Variants in LMNTD1 observed in about 807,000 individuals in gnomAD.
LMNTD1 encodes the protein lamin tail domain-containing protein 1.
A neutral mutation model predicts 50.9 loss-of-function variants in LMNTD1; 35 were observed. The observed-to-expected ratio is 0.69, with a 90% CI of 0.53 to 0.91. The LOEUF is 0.91. Among genes scored for constraint, LMNTD1 ranks in the 40% least tolerant of loss-of-function variants. The pLI is 0.00. For missense variants in LMNTD1, 470 were observed against 475.5 expected (o/e 0.99, Z 0.11); for synonymous variants, 153 against 161.9 (o/e 0.94, Z 0.42).
At chr12:25,619,839 A>G (rs961698782) in intron 1 of LMNTD1, among the ~76,000 whole-genome samples, 8 of 152,202 alleles carry the variant, frequency 5.3e-5, no homozygotes, top group East Asian at 1.9e-4. Flanking sequence ...ATTCTCACCA[A>G]GACTGATCAC....
chr12:25,537,492 A>G (rs903803320), intron 4 of LMNTD1, among the ~76,000 whole-genome samples: 1 of 152,056 alleles, frequency 6.6e-6, no homozygotes, highest in African/African-American at 2.4e-5. Flanking sequence ...GGGTACTCCA[A>G]CAGACCTGCA....
chr12:25,483,638 G>T lies in LMNTD1; in HGVS notation c.*23-7178C>A, dbSNP rs142766933. Among the ~76,000 whole-genome samples the T allele has an allele frequency of 3.8e-4, 57 of 151,572 alleles. 1 individual carries two copies. The East Asian group carries it at 0.011, about 29-fold the overall frequency. On this transcript the variant is annotated intron_variant, in intron 9 of 9. Transcript: ENST00000458174. Reference sequence around the variant, plus strand: ...AATACAAAAATTAGCCGGTCATGGTGGCGCTTGCCTGTAGTCCCAGCTACT... The same window carrying T: ...AATACAAAAATTAGCCGGTCATGGTTGCGCTTGCCTGTAGTCCCAGCTACT...
intron 1 of LMNTD1, among the ~76,000 whole-genome samples, chr12:25,575,745 T>A (rs918422739): frequency 6.6e-6 from 1 of 152,170 alleles, no homozygotes; most frequent in African/African-American, 2.4e-5. Context: ...ACGTGCAGGT[T>A]TGTTACATAG....
At chr12:25,529,192 T>C (rs1008308007) in intron 4 of LMNTD1, among the ~76,000 whole-genome samples, 1 of 152,272 alleles carries the variant, frequency 6.6e-6, no homozygotes, top group South Asian at 2.1e-4. Flanking sequence ...TTTTCTTATT[T>C]CACCCAGCCC....
chr12:25,625,640 C>G (rs1443752915), intron 1 of LMNTD1, among the ~76,000 whole-genome samples: 1 of 152,214 alleles, frequency 6.6e-6, no homozygotes, highest in Non-Finnish European at 1.5e-5. Flanking sequence ...TAGTTCTTTT[C>G]AGACTCCCCG....
chr12:25,571,527 C>T (rs1468620411), intron 1 of LMNTD1, among the ~76,000 whole-genome samples: 2 of 151,922 alleles, frequency 1.3e-5, no homozygotes, highest in Admixed American at 1.3e-4. Context: ...CCACACCCGG[C>T]TAATGTTTTA....
chr12:25,645,778 T>C (rs1947057181), intron 1 of LMNTD1, among the ~76,000 whole-genome samples: 1 of 152,218 alleles, frequency 6.6e-6, no homozygotes, highest in African/African-American at 2.4e-5. Context: ...AACTGGGATA[T>C]GGCTACCTCC....
chr12:25,568,876 C>T (rs915494024), intron 1 of LMNTD1, among the ~76,000 whole-genome samples: 1 of 152,214 alleles, frequency 6.6e-6, no homozygotes, highest in Non-Finnish European at 1.5e-5. Context: ...GCCTCCTAGG[C>T]TTCTGCCTAA....
intron 8 of LMNTD1, among the ~76,000 whole-genome samples, chr12:25,514,965 T>C (rs1334076781): frequency 6.6e-6 from 1 of 152,102 alleles, no homozygotes; most frequent in Non-Finnish European, 1.5e-5. Context: ...GGTGGGAGTA[T>C]AAATTAGCAA....
intron 1 of LMNTD1, among the ~76,000 whole-genome samples, chr12:25,594,666 A>AC (rs1225641140): frequency 6.6e-6 from 1 of 150,922 alleles, no homozygotes; most frequent in African/African-American, 2.4e-5. Context: ...AAAAAAAAAA[A>AC]AAAAAAAAAA....
intron 4 of LMNTD1, among the ~76,000 whole-genome samples, chr12:25,533,622 G>A (rs1437994086): frequency 6.6e-6 from 1 of 152,108 alleles, no homozygotes; most frequent in East Asian, 1.9e-4. Flanking sequence ...TGATGAAAGG[G>A]TACAGCATTT....
chr12:25,559,827 C>T (rs1944216861), intron 1 of LMNTD1, among the ~76,000 whole-genome samples: 1 of 152,194 alleles, frequency 6.6e-6, no homozygotes, highest in African/African-American at 2.4e-5. Context: ...CGTGTCTGTT[C>T]ACTGCATAAA....
At chr12:25,604,406 G>C (rs1347760627) in intron 1 of LMNTD1, among the ~76,000 whole-genome samples, 3 of 152,026 alleles carry the variant, frequency 2.0e-5, no homozygotes, top group Admixed American at 2.0e-4. Flanking sequence ...GTGCAGGTTT[G>C]TTACATATGT....
intron 9 of LMNTD1, among the ~76,000 whole-genome samples, chr12:25,496,803 T>A (rs1189144917): frequency 2.6e-5 from 4 of 152,136 alleles, no homozygotes; most frequent in East Asian, 1.9e-4. Context: ...ATCATCTCTA[T>A]CCATTTCCTG....
intron 4 of LMNTD1, among the ~76,000 whole-genome samples, chr12:25,533,077 T>A (rs1255593893): frequency 6.6e-6 from 1 of 152,170 alleles, no homozygotes; most frequent in African/African-American, 2.4e-5. Flanking sequence ...AATTTTTATT[T>A]TATGCATATA....
At position 25,530,813 on chromosome 12, in the gene LMNTD1, G is replaced by A. The variant is rs114573699; in HGVS notation, c.492-3858C>T. The stretch of plus-strand genomic sequence containing the variant: ...TCCTGTGAATATGTTATGTTAGATG[G>A]CAAAAAGGACTTTGCAGATATAACT... On this transcript the variant is annotated intron_variant, in intron 4 of 9. Transcript: ENST00000458174. Among the ~76,000 whole-genome samples the A allele has an allele frequency of 3.8e-3, 573 of 152,226 alleles. 4 individuals carry two copies. Among genetic ancestry groups the A allele is most frequent in the African/African-American group, 0.013 (559 of 41,528 alleles).
intron 1 of LMNTD1, among the ~76,000 whole-genome samples, chr12:25,632,061 G>T (rs1291517669): frequency 6.6e-6 from 1 of 152,102 alleles, no homozygotes; most frequent in Non-Finnish European, 1.5e-5. Context: ...TTCAGAGCTC[G>T]AAGACAAGGT....
At chr12:25,587,657 G>A (rs1214511846) in intron 1 of LMNTD1, among the ~76,000 whole-genome samples, 1 of 152,168 alleles carries the variant, frequency 6.6e-6, no homozygotes, top group African/African-American at 2.4e-5. Context: ...CAACACTGGG[G>A]ATTACATCCC....
intron 4 of LMNTD1, among the ~76,000 whole-genome samples, chr12:25,545,522 A>G (rs1943379053): frequency 6.6e-6 from 1 of 151,614 alleles, no homozygotes. Flanking sequence ...GGGTGGCTGG[A>G]TAGGGATTGA....
Sources: allele counts gnomAD v4.1 joint callset (sites outside exome capture counted in the v4.1 genomes callset), GRCh38; gene constraint gnomAD v4.1.1; transcripts MANE v1.5; gene names NCBI Gene and HGNC (gene_info 2026-07-23, HGNC 2026-07-21).